NCKAP5: variants seen among roughly 807,000 people sequenced by gnomAD.
The protein encoded by NCKAP5 is NCK associated protein 5.
A neutral mutation model predicts 167.0 loss-of-function variants in NCKAP5; 92 were observed. The ratio of observed to expected loss-of-function variants is 0.55; its 90% CI spans 0.47 to 0.66. The LOEUF (loss-of-function observed/expected upper bound fraction) is 0.66, where lower values mean the gene tolerates loss of function less well. Among genes scored for constraint, NCKAP5 ranks in the 30% least tolerant of loss-of-function variants. The probability of loss-of-function intolerance (pLI) is 0.00; values close to 1 mark genes in which losing one functional copy is unlikely to be tolerated. For synonymous variants in NCKAP5, 891 were observed against 877.4 expected (o/e 1.02, Z -0.27); for missense variants, 2,378 against 2,315.0 (o/e 1.03, Z -0.56).
Position 132,963,857 on chromosome 2 carries a change from C to T in NCKAP5, c.442G>A (p.Glu148Lys), listed in dbSNP as rs1414870442. Reference sequence around the variant, plus strand: ...GCTTCCTTATGTTTTCTCTCTTCCTCTGACAGCTTTTCCTGAAGCAAGAAA... The same window carrying T: ...GCTTCCTTATGTTTTCTCTCTTCCTTTGACAGCTTTTCCTGAAGCAAGAAA... ...NIMVYQEKLSEEERKHKEALE... is the reference protein window; with the variant it reads ...NIMVYQEKLSKEERKHKEALE... The change falls in exon 8 of 20, where the codon GAG (glutamate) becomes AAG (lysine). Residue 148 changes from glutamate to lysine, a missense_variant. Glu to Lys is a moderately conservative substitution (Grantham distance 56, BLOSUM62 1). Around this residue, in one of 3 missense-constraint regions of NCKAP5, gnomAD observed 1,049 missense variants for 1,023.4 expected, o/e 1.02. Transcript: ENST00000409261. The T allele has an allele frequency of 2.5e-6, 4 of 1,613,696 alleles. No homozygotes were observed. Among genetic ancestry groups the T allele is most frequent in the Non-Finnish European group, 2.5e-6 (3 of 1,179,836 alleles).
intron 3 of NCKAP5, among the ~76,000 whole-genome samples, chr2:133,371,397 C>T (rs976190297): frequency 1.3e-5 from 2 of 152,076 alleles, no homozygotes; most frequent in African/African-American, 4.8e-5. Flanking sequence ...GACATCTGTG[C>T]GTATTTAGAT....
At chr2:133,130,882 A>C (rs13383260) in intron 5 of NCKAP5, among the ~76,000 whole-genome samples, 9,801 of 152,262 alleles carry the variant, frequency 0.064, 401 homozygotes, top group East Asian at 0.17. Flanking sequence ...TTTAAAAAGC[A>C]TGCCATGCTG....
intron 8 of NCKAP5, chr2:132,931,254 A>T (rs1696353091): frequency 6.6e-6 from 1 of 152,210 alleles, no homozygotes; most frequent in Non-Finnish European, 1.5e-5. Flanking sequence ...GTGATTGTGG[A>T]TGAACTGTAA....
At chr2:133,283,422 A>C (rs2089998111) in intron 4 of NCKAP5, among the ~76,000 whole-genome samples, 1 of 152,126 alleles carries the variant, frequency 6.6e-6, no homozygotes, top group Non-Finnish European at 1.5e-5. Flanking sequence ...GATTCTATAG[A>C]TATAATTCTA....
chr2:133,194,130 T>A (rs2085340764), intron 5 of NCKAP5, among the ~76,000 whole-genome samples: 1 of 152,096 alleles, frequency 6.6e-6, no homozygotes, highest in Admixed American at 6.6e-5. Flanking sequence ...AGTGAAAATT[T>A]TTCTAAGGCT....
At chr2:133,610,936 T>C in the NCKAP5 span, among the ~76,000 whole-genome samples, 3 of 152,156 alleles carry the variant, frequency 2.0e-5, no homozygotes, top group Admixed American at 2.0e-4. Context: ...CAACTTATAC[T>C]GGCCAGAGGA....
At chr2:132,845,684 T>G (rs969093215) in intron 11 of NCKAP5, among the ~76,000 whole-genome samples, 8 of 152,204 alleles carry the variant, frequency 5.3e-5, no homozygotes, top group African/African-American at 1.9e-4. Context: ...TATAGAATAT[T>G]TTGAAGTACC....
chr2:132,693,498 A>G (rs770188553), intron 19 of NCKAP5, among the ~76,000 whole-genome samples: 1 of 152,070 alleles, frequency 6.6e-6, no homozygotes, highest in Non-Finnish European at 1.5e-5. Context: ...CAAACCAAGG[A>G]AGACCAGGGA....
chr2:132,815,596 C>T (rs199591726), intron 11 of NCKAP5, among the ~76,000 whole-genome samples: 1 of 152,006 alleles, frequency 6.6e-6, no homozygotes, highest in South Asian at 2.1e-4. Flanking sequence ...TTTCATAAAC[C>T]CTTTCCTAAT....
At chr2:133,419,205 A>G (rs1689313312) in intron 3 of NCKAP5, among the ~76,000 whole-genome samples, 1 of 152,250 alleles carries the variant, frequency 6.6e-6, no homozygotes, top group African/African-American at 2.4e-5. Context: ...CCATGTGAGC[A>G]CATTTTACCA....
intron 5 of NCKAP5, among the ~76,000 whole-genome samples, chr2:133,187,928 A>G (rs947612403): frequency 7.2e-5 from 11 of 151,986 alleles, no homozygotes; most frequent in Non-Finnish European, 1.5e-5. Flanking sequence ...AATCTATCCA[A>G]TTTGCCAGTC....
intron 5 of NCKAP5, among the ~76,000 whole-genome samples, chr2:133,177,692 A>C (rs1281814728): frequency 2.0e-5 from 3 of 152,070 alleles, no homozygotes; most frequent in Admixed American, 1.3e-4. Flanking sequence ...ATCATGAGGC[A>C]CCCCAACAAC....
intron 4 of NCKAP5, among the ~76,000 whole-genome samples, chr2:133,285,066 G>T (rs1476315478): frequency 1.3e-5 from 2 of 152,132 alleles, no homozygotes; most frequent in African/African-American, 2.4e-5. Flanking sequence ...TACGTATCTT[G>T]TTTCCAAAAT....
intron 6 of NCKAP5, among the ~76,000 whole-genome samples, chr2:133,060,646 A>G (rs1485898354): frequency 6.6e-6 from 1 of 152,166 alleles, no homozygotes; most frequent in African/African-American, 2.4e-5. Flanking sequence ...AATTGAATGG[A>G]GATTTCAACG....
intron 3 of NCKAP5, among the ~76,000 whole-genome samples, chr2:133,344,941 T>C (rs1163817355): frequency 6.6e-6 from 1 of 151,956 alleles, no homozygotes; most frequent in Non-Finnish European, 1.5e-5. Flanking sequence ...GATGAAGATA[T>C]ATGAAGATAT....
At chr2:133,139,317 G>A (rs2082911750) in intron 5 of NCKAP5, among the ~76,000 whole-genome samples, 2 of 152,184 alleles carry the variant, frequency 1.3e-5, no homozygotes, top group South Asian at 4.1e-4. Context: ...GGCATAAAGA[G>A]ATTAAATGCA....
At chr2:133,129,056 T>A (rs1289107893) in intron 6 of NCKAP5, among the ~76,000 whole-genome samples, 1 of 151,616 alleles carries the variant, frequency 6.6e-6, no homozygotes, top group Non-Finnish European at 1.5e-5. Flanking sequence ...AAAATAGGAT[T>A]GCGATGACCA....
intron 11 of NCKAP5, among the ~76,000 whole-genome samples, chr2:132,826,662 G>A (rs537756917): frequency 2.7e-4 from 41 of 152,300 alleles, no homozygotes; most frequent in African/African-American, 9.4e-4. Context: ...ATTTGCTACA[G>A]AAGGAGTGAG....
chr2:132,994,490 C>A (rs938629816), intron 6 of NCKAP5, among the ~76,000 whole-genome samples: 1 of 152,164 alleles, frequency 6.6e-6, no homozygotes, highest in Non-Finnish European at 1.5e-5. Context: ...AACTCATGCA[C>A]CTATCTCCCA....
Sources: allele counts gnomAD v4.1 joint callset (sites outside exome capture counted in the v4.1 genomes callset), GRCh38; gene constraint gnomAD v4.1.1; regional missense constraint gnomAD v4.1.1; transcripts MANE v1.5; gene names NCBI Gene and HGNC (gene_info 2026-07-23, HGNC 2026-07-21).